Variants in CD276 observed in about 807,000 individuals in gnomAD.
CD276 encodes the protein CD276 antigen.
In CD276, 34 loss-of-function variants were observed where a neutral mutation model predicts 50.0. The observed-to-expected ratio is 0.68, with a 90% CI of 0.52 to 0.91. The LOEUF (loss-of-function observed/expected upper bound fraction) is 0.91. CD276 is among the 40% of genes least tolerant of loss of function. The pLI is 0.00. For synonymous variants in CD276, 275 were observed against 313.0 expected (o/e 0.88, Z 1.28); for missense variants, 634 against 717.5 (o/e 0.88, Z 1.33).
At chr15:73,707,965 C>T (rs986369579) in intron 6 of CD276, among the ~76,000 whole-genome samples, 16 of 152,222 alleles carry the variant, frequency 1.1e-4, no homozygotes, top group African/African-American at 3.9e-4. Flanking sequence ...TTGGCTGAAG[C>T]TGAGGCTCCT....
At chr15:73,698,584 C>T (rs1298194557) in intron 1 of CD276, among the ~76,000 whole-genome samples, 1 of 151,976 alleles carries the variant, frequency 6.6e-6, no homozygotes, top group African/African-American at 2.4e-5. Context: ...TTTTTGAGAT[C>T]GAGTCTGGCT....
At position 73,711,227 on chromosome 15, in the gene CD276, G is replaced by A. The variant is rs1468962157; in HGVS notation, c.1582+57G>A. On this transcript the variant is annotated intron_variant, in intron 9 of 9. Transcript: ENST00000318443. ...TGTATGCACACATCTGTGTGTGAGA[G>A]GCTGAGAGGGTGGGTAGGCATCATC... 16 of 1,574,698 alleles carry A rather than the reference G, an allele frequency of 1.0e-5. 1 individual carries two copies. The highest frequency in any genetic ancestry group is 3.3e-4 in the Middle Eastern group (2 of 6,012).
At chr15:73,698,949 C>T (rs1900272381) in intron 1 of CD276, among the ~76,000 whole-genome samples, 1 of 152,158 alleles carries the variant, frequency 6.6e-6, no homozygotes, top group African/African-American at 2.4e-5. Context: ...ACATTGTTAC[C>T]TAGATTATGT....
At chr15:73,700,197 C>G (rs1458050166) in intron 2 of CD276, among the ~76,000 whole-genome samples, 2 of 152,164 alleles carry the variant, frequency 1.3e-5, no homozygotes, top group African/African-American at 2.4e-5. Context: ...CTTGCTTCCT[C>G]CCTGTTCAAA....
intron 1 of CD276, among the ~76,000 whole-genome samples, chr15:73,693,230 G>A (rs1900050793): frequency 1.3e-5 from 2 of 152,124 alleles, no homozygotes; most frequent in African/African-American, 2.4e-5. Flanking sequence ...AACCTTTTCA[G>A]ATGATATTCA....
chr15:73,702,352 C>T lies in CD276; in HGVS notation c.177C>T (p.Ser59=), dbSNP rs1263353220. The T allele has an allele frequency of 5.0e-6, 8 of 1,613,512 alleles. No individual in the cohort carries two copies. The highest frequency in any genetic ancestry group is 3.3e-5 in the Admixed American group (2 of 60,004). ...CCSFSPEPGF[S]LAQLNLIWQL... is the part of the protein sequence containing the mutation. The stretch of plus-strand genomic sequence containing the variant: ...CCTTCTCCCCTGAGCCTGGCTTCAG[C>T]CTGGCACAGCTCAACCTCATCTGGC... The change falls in exon 3 of 10, where the codon AGC becomes AGT. Residue 59 remains serine, a synonymous_variant. Transcript: ENST00000318443.
chr15:73,691,730 G>A (rs1596004245), intron 1 of CD276, among the ~76,000 whole-genome samples: 1 of 152,234 alleles, frequency 6.6e-6, no homozygotes, highest in African/African-American at 2.4e-5. Flanking sequence ...CAAAATAACT[G>A]TGTTAAGACT....
chr15:73,690,374 G>GTGAC (rs772988213), intron 1 of CD276, among the ~76,000 whole-genome samples: 1 of 152,166 alleles, frequency 6.6e-6, no homozygotes, highest in Non-Finnish European at 1.5e-5. Context: ...TTCTGTCAAG[G>GTGAC]TGACCCTCAG....
intron 9 of CD276, 197 bp downstream of exon 9, chr15:73,711,367 C>T (rs1006322192): frequency 2.8e-5 from 17 of 597,200 alleles, no homozygotes; most frequent in South Asian, 2.0e-4. Context: ...GACCCAAATA[C>T]GACAGAGGCT....
rs1596015082 is a variant in CD276, at chr15:73,703,649, C to T, written c.734-10C>T. 7 of 1,598,840 alleles carry T rather than the reference C, an allele frequency of 4.4e-6. No homozygotes were observed. Among genetic ancestry groups the T allele is most frequent in the Non-Finnish European group, 6.0e-6 (7 of 1,171,978 alleles). ...TCCTCACCACCCTGCCCCTCTGACC[C>T]CGCCCCCAGGAGCCGTGGAGGTCCA... On this transcript the variant is annotated splice_polypyrimidine_tract_variant and intron_variant, in intron 4 of 9. Transcript: ENST00000318443.
intron 1 of CD276, among the ~76,000 whole-genome samples, chr15:73,691,045 A>G (rs1203618574): frequency 6.6e-6 from 1 of 151,192 alleles, no homozygotes; most frequent in Non-Finnish European, 1.5e-5. Flanking sequence ...GGGTGGGGGA[A>G]CTAGAGAAGG....
chr15:73,711,423 A>G (rs1389476418), intron 9 of CD276: 1 of 483,236 alleles, frequency 2.1e-6, no homozygotes. Context: ...TAGTGTGAGC[A>G]TAGGTAATCG....
Position 73,702,238 on chromosome 15 carries a change from A to C in CD276, c.80-17A>C. On this transcript the variant is annotated splice_polypyrimidine_tract_variant and intron_variant, in intron 2 of 9. Coordinates refer to ENST00000318443, the MANE Select transcript of CD276 (RefSeq NM_001024736.2). ...CCTCAGTCCCCCTTATATGTTCTCC[A>C]CTCCCCCTACCCCCAGGAGCCCTGG... 1 of 1,583,476 alleles carries C rather than the reference A, an allele frequency of 6.3e-7. No homozygotes were observed. The highest frequency in any genetic ancestry group is 1.1e-5 in the South Asian group (1 of 86,994).
intron 8 of CD276, among the ~76,000 whole-genome samples, chr15:73,710,653 G>A (rs1276690747): frequency 4.6e-5 from 7 of 152,236 alleles, no homozygotes; most frequent in African/African-American, 9.6e-5. Flanking sequence ...CGTGGCAGGC[G>A]TAGAGACAGC....
intron 1 of CD276, 93 bp from the exon 2 acceptor site, chr15:73,699,493 C>G: frequency 6.7e-7 from 1 of 1,483,784 alleles, no homozygotes; most frequent in Non-Finnish European, 9.0e-7. Flanking sequence ...TGGGCAGTTG[C>G]AGCCTTCCCC....
intron 4 of CD276, 57 bp downstream of exon 4, chr15:73,703,143 G>T: frequency 6.6e-7 from 1 of 1,512,838 alleles, no homozygotes. Context: ...GTCGGCAGGG[G>T]TTGGGAGCTC....
intron 6 of CD276, among the ~76,000 whole-genome samples, chr15:73,705,325 C>T (rs1215562137): frequency 1.3e-5 from 2 of 152,192 alleles, no homozygotes; most frequent in African/African-American, 2.4e-5. Context: ...TCAGCCCATC[C>T]AAGTTCTGAT....
chr15:73,703,716 C>G lies in CD276; in HGVS notation c.791C>G (p.Ala264Gly). ...DPVVALVGTDATLRCSFSPEP... is the reference protein window; with the variant it reads ...DPVVALVGTDGTLRCSFSPEP... Reference sequence around the variant, plus strand: ...GTGGTGGCCCTAGTGGGCACCGATGCCACCCTGCGCTGCTCCTTCTCCCCC... The same window carrying G: ...GTGGTGGCCCTAGTGGGCACCGATGGCACCCTGCGCTGCTCCTTCTCCCCC... The change falls in exon 5 of 10, where the codon GCC (alanine) becomes GGC (glycine). Residue 264 changes from alanine (A) to glycine (G), a missense_variant. Transcript: ENST00000318443. The G allele has an allele frequency of 6.2e-7, 1 of 1,613,264 alleles. No homozygotes were observed. The highest frequency in any genetic ancestry group is 8.5e-7 in the Non-Finnish European group (1 of 1,179,948).
chr15:73,702,065 A>G (rs1019498144), intron 2 of CD276, among the ~76,000 whole-genome samples, 190 bp from the exon 3 acceptor site: 1 of 152,162 alleles, frequency 6.6e-6, no homozygotes, highest in Non-Finnish European at 1.5e-5. Flanking sequence ...TCTGACTTTT[A>G]TGCTTGGCAC....
Sources: gnomAD v4.1 joint callset for allele counts (sites outside exome capture counted in the v4.1 genomes callset) on GRCh38, gnomAD v4.1.1 for gene constraint, MANE v1.5 for transcripts, NCBI Gene and HGNC (gene_info 2026-07-23, HGNC 2026-07-21) for gene names.